The following SLC44A5 variants were observed in gnomAD, a reference collection of about 807,000 sequenced individuals.
SLC44A5 encodes solute carrier family 44 member 5.
SLC44A5 carries 57 observed loss-of-function variants against 101.8 expected under a neutral mutation model. The ratio of observed to expected loss-of-function variants is 0.56; its 90% CI spans 0.45 to 0.70. The LOEUF (loss-of-function observed/expected upper bound fraction) is 0.70. Ranked by LOEUF, SLC44A5 falls within the 30% of genes least tolerant of loss-of-function variation. The pLI is 0.00. For missense variants in SLC44A5, 737 were observed against 853.1 expected (o/e 0.86, Z 1.70); for synonymous variants, 281 against 290.9 (o/e 0.97, Z 0.35).
the SLC44A5 span, among the ~76,000 whole-genome samples, chr1:75,684,498 G>A: frequency 1.3e-5 from 2 of 151,970 alleles, no homozygotes; most frequent in African/African-American, 4.8e-5. Flanking sequence ...GATACAATGG[G>A]GATACAAGCA....
intron 6 of SLC44A5, among the ~76,000 whole-genome samples, chr1:75,273,765 T>C (rs772564086): frequency 6.6e-5 from 10 of 152,300 alleles, no homozygotes; most frequent in South Asian, 2.1e-4. Flanking sequence ...GATGTCCTGT[T>C]GGATTCAGTT....
chr1:75,458,921 T>A (rs1666340076), intron 2 of SLC44A5, among the ~76,000 whole-genome samples: 1 of 152,114 alleles, frequency 6.6e-6, no homozygotes, highest in African/African-American at 2.4e-5. Flanking sequence ...AGTTTGAAGA[T>A]GCCTGTGGAA....
chr1:75,208,123 G>A (rs1226135244), intron 23 of SLC44A5, among the ~76,000 whole-genome samples: 2 of 152,144 alleles, frequency 1.3e-5, no homozygotes, highest in Admixed American at 1.3e-4. Flanking sequence ...AACTTATACT[G>A]AGGTTGCTAA....
At chr1:75,718,410 C>A in the SLC44A5 span, among the ~76,000 whole-genome samples, 11 of 152,168 alleles carry the variant, frequency 7.2e-5, no homozygotes, top group African/African-American at 2.2e-4. Context: ...ACTACTGGGA[C>A]TGTGGACTAC....
At chr1:75,682,392 G>A in the SLC44A5 span, among the ~76,000 whole-genome samples, 1 of 151,668 alleles carries the variant, frequency 6.6e-6, no homozygotes, top group African/African-American at 2.4e-5. Context: ...GCATGGTACT[G>A]GTACCAAAAC....
intron 2 of SLC44A5, among the ~76,000 whole-genome samples, chr1:75,503,771 C>T (rs896467288): frequency 2.6e-5 from 4 of 152,114 alleles, no homozygotes; most frequent in African/African-American, 7.2e-5. Flanking sequence ...TCTACATAAA[C>T]GGCCATGGAA....
the SLC44A5 span, among the ~76,000 whole-genome samples, chr1:75,716,378 G>A: frequency 1.3e-5 from 2 of 152,130 alleles, no homozygotes; most frequent in African/African-American, 2.4e-5. Flanking sequence ...GGCTGAGGAA[G>A]GAAGATGGTT....
At chr1:75,441,095 A>G (rs923275002) in intron 2 of SLC44A5, among the ~76,000 whole-genome samples, 7 of 152,118 alleles carry the variant, frequency 4.6e-5, no homozygotes, top group African/African-American at 1.7e-4. Flanking sequence ...GAATTGTTAA[A>G]GAGGAGGAAT....
At chr1:75,427,071 C>G (rs1557773530) in intron 2 of SLC44A5, among the ~76,000 whole-genome samples, 1 of 152,164 alleles carries the variant, frequency 6.6e-6, no homozygotes. Context: ...TTAATAAATC[C>G]ATTTGCTGCT....
At chr1:75,365,681 T>G (rs961665538) in intron 3 of SLC44A5, among the ~76,000 whole-genome samples, 1 of 152,250 alleles carries the variant, frequency 6.6e-6, no homozygotes, top group African/African-American at 2.4e-5. Context: ...ATATGGTACA[T>G]ATACTCCATG....
chr1:75,287,739 G>A (rs1653188802), intron 5 of SLC44A5, among the ~76,000 whole-genome samples: 1 of 152,090 alleles, frequency 6.6e-6, no homozygotes, highest in African/African-American at 2.4e-5. Flanking sequence ...GCCACCCAGT[G>A]GAACTAAAGG....
the SLC44A5 span, among the ~76,000 whole-genome samples, chr1:75,659,460 GGAA>G: frequency 4.9e-5 from 2 of 40,810 alleles, no homozygotes; most frequent in African/African-American, 1.1e-4. Flanking sequence ...AAGGAAGGAA[GGAA>G]GGAAGGAAGG....
chr1:75,690,149 T>A, the SLC44A5 span, among the ~76,000 whole-genome samples: 6 of 152,144 alleles, frequency 3.9e-5, no homozygotes, highest in Non-Finnish European at 7.4e-5. Flanking sequence ...GGGTAATTTA[T>A]AAAGAAAGGA....
rs1022191940 is a variant in SLC44A5, at chr1:75,555,224, C to G, written c.-69-13708G>C. Among the ~76,000 whole-genome samples, 3 of 152,024 alleles carry G rather than the reference C, an allele frequency of 2.0e-5. No individual in the cohort carries two copies. The East Asian group carries it at 5.8e-4, about 29-fold the overall frequency. On this transcript the variant is annotated intron_variant, in intron 1 of 23. Transcript: ENST00000370859. ...ATATAAAAGTTTAAATCAGACAAAA[C>G]CACTTTATATTGATAAAAATCAGAT...
At chr1:75,659,284 C>T in the SLC44A5 span, among the ~76,000 whole-genome samples, 1 of 123,732 alleles carries the variant, frequency 8.1e-6, no homozygotes. Context: ...CATATCAAAA[C>T]CAAACAAAGA....
chr1:75,425,278 A>G (rs981846559), intron 2 of SLC44A5, among the ~76,000 whole-genome samples: 1 of 152,242 alleles, frequency 6.6e-6, no homozygotes, highest in Non-Finnish European at 1.5e-5. Flanking sequence ...TGTTAGGCAC[A>G]TGTTAGGAAC....
At chr1:75,590,012 G>T (rs114139462) in intron 1 of SLC44A5, among the ~76,000 whole-genome samples, 3,842 of 152,158 alleles carry the variant, frequency 0.025, 86 homozygotes, top group Non-Finnish European at 0.036. Context: ...TCCACAACCT[G>T]TAGGCAAGTC....
At chr1:75,672,077 C>G in the SLC44A5 span, among the ~76,000 whole-genome samples, 39,237 of 151,944 alleles carry the variant, frequency 0.26, 5,402 homozygotes, top group Middle Eastern at 0.37. Flanking sequence ...TCATAAGAAC[C>G]AAAATCAGGT....
intron 1 of SLC44A5, among the ~76,000 whole-genome samples, chr1:75,579,440 C>T (rs1430448415): frequency 6.6e-6 from 1 of 152,062 alleles, no homozygotes; most frequent in Non-Finnish European, 1.5e-5. Context: ...AAGACTGTCT[C>T]CATAAATAAA....
Sources: gnomAD v4.1 joint callset for allele counts (sites outside exome capture counted in the v4.1 genomes callset) on GRCh38, gnomAD v4.1.1 for gene constraint, MANE v1.5 for transcripts, NCBI Gene and HGNC (gene_info 2026-07-23, HGNC 2026-07-21) for gene names.